Variants in ASTN2 observed in about 807,000 individuals in gnomAD.
ASTN2 encodes the protein astrotactin 2.
A neutral mutation model predicts 139.8 loss-of-function variants in ASTN2; 54 were observed. That is an observed-to-expected ratio of 0.39 (90% CI 0.31 to 0.48). The LOEUF is 0.48. Ranked by LOEUF, ASTN2 falls within the 20% of genes least tolerant of loss-of-function variation. The pLI, the probability that ASTN2 is intolerant of heterozygous loss-of-function variation, is 0.95. For synonymous variants in ASTN2, 756 were observed against 719.5 expected, an observed-to-expected ratio of 1.05 and a Z score of -0.81; for missense variants, 1,565 against 1,725.1, an observed-to-expected ratio of 0.91 and a Z score of 1.64.
chr9:117,028,567 C>A (rs544350502), intron 6 of ASTN2, among the ~76,000 whole-genome samples: 79 of 152,008 alleles, frequency 5.2e-4, no homozygotes, highest in Non-Finnish European at 8.8e-4. Flanking sequence ...GGGGAAGCTG[C>A]GGAGGGGCCA....
chr9:117,045,979 T>TAC lies in ASTN2; in HGVS notation c.1277-6015_1277-6014insGT, dbSNP rs1564399779. ...TTGTATGTATGTATGTATGTATGTATGTACGTACGTACGTATGTATGTATG... is the reference window on the plus strand; with the variant it reads ...TTGTATGTATGTATGTATGTATGTATACGTACGTACGTACGTATGTATGTATG... On this transcript the variant is annotated intron_variant, in intron 5 of 22. Transcript: ENST00000313400. 1.3e-3 allele frequency among the ~76,000 whole-genome samples: 168 copies of TAC among 124,588 alleles called. 1 individual carries two copies. Among genetic ancestry groups the TAC allele is most frequent in the Middle Eastern group, 4.5e-3 (1 of 220 alleles). The allele number at this position is 124,588 out of a possible 152,430, so 81.7% of individuals were successfully genotyped here.
At chr9:117,153,216 C>T (rs1047785503) in intron 3 of ASTN2, among the ~76,000 whole-genome samples, 9 of 151,864 alleles carry the variant, frequency 5.9e-5, no homozygotes, top group Non-Finnish European at 1.2e-4. Flanking sequence ...GAAGGCTTGT[C>T]GCAGCTAGTG....
intron 19 of ASTN2, chr9:116,611,689 C>G (rs376102461): frequency 1.2e-4 from 18 of 152,080 alleles, no homozygotes; most frequent in African/African-American, 4.1e-4. Context: ...CACAAGCTGC[C>G]AAAGATCACT....
chr9:116,615,800 A>G (rs897552333), intron 19 of ASTN2, among the ~76,000 whole-genome samples: 8 of 152,026 alleles, frequency 5.3e-5, no homozygotes, highest in Non-Finnish European at 1.2e-4. Flanking sequence ...GGTACAGCAC[A>G]CCAACATGGC....
In ASTN2 at chr9:116,884,803, G is replaced by GCCCTCC. The variant is rs1554756734; in HGVS notation, c.1890-21071_1890-21070insGGAGGG. 4.9e-4 allele frequency among the ~76,000 whole-genome samples: 34 copies of GCCCTCC among 69,628 alleles called. 3 individuals carry two copies. Among genetic ancestry groups the GCCCTCC allele is most frequent in the East Asian group, 3.2e-3 (7 of 2,176 alleles). 45.7% of individuals were successfully genotyped at this position (69,628 alleles called of 152,430 possible). A position where few individuals can be genotyped will look rare whatever the true frequency, so the allele number is the denominator to read the frequency against. On this transcript the variant is annotated intron_variant, in intron 10 of 22. Coordinates refer to ENST00000313400, the MANE Select transcript of ASTN2 (RefSeq NM_001365068.1). ...TGTGCATGTCAATCTCCAAATATCC[G>GCCCTCC]CCCCCCCCCCACCCACTTTTTTTTT...
chr9:116,562,509 G>A (rs916129248), intron 19 of ASTN2, among the ~76,000 whole-genome samples: 2 of 151,858 alleles, frequency 1.3e-5, no homozygotes, highest in Middle Eastern at 6.8e-3. Flanking sequence ...GGCCTAGGCG[G>A]GCGGATCACC....
chr9:117,383,050 G>T (rs1301782331), intron 1 of ASTN2, among the ~76,000 whole-genome samples: 2 of 152,128 alleles, frequency 1.3e-5, no homozygotes, highest in African/African-American at 2.4e-5. Flanking sequence ...TAGAGTAAAA[G>T]CAACCGCAGA....
intron 16 of ASTN2, among the ~76,000 whole-genome samples, chr9:116,666,201 T>C (rs1029215915): frequency 6.6e-6 from 1 of 152,210 alleles, no homozygotes. Flanking sequence ...AAACCTAATG[T>C]GACTACAAGT....
At chr9:117,062,713 T>A (rs547621027) in intron 5 of ASTN2, among the ~76,000 whole-genome samples, 1 of 152,204 alleles carries the variant, frequency 6.6e-6, no homozygotes, top group Non-Finnish European at 1.5e-5. Context: ...TACACACTCA[T>A]GTATGTGTGC....
intron 4 of ASTN2, among the ~76,000 whole-genome samples, chr9:117,135,476 G>A (rs117991517): frequency 7.2e-5 from 11 of 152,250 alleles, no homozygotes; most frequent in African/African-American, 2.2e-4. Context: ...CTATTTACCC[G>A]TCTCCATCCA....
At chr9:117,394,501 G>A (rs1239022723) in intron 1 of ASTN2, among the ~76,000 whole-genome samples, 1 of 152,238 alleles carries the variant, frequency 6.6e-6, no homozygotes, top group South Asian at 2.1e-4. Context: ...GGAGGCCTAA[G>A]AAAGATAAAT....
chr9:116,633,757 T>C (rs1390153365), intron 17 of ASTN2, among the ~76,000 whole-genome samples: 3 of 152,148 alleles, frequency 2.0e-5, no homozygotes, highest in Non-Finnish European at 4.4e-5. Flanking sequence ...GGGGCTTCTA[T>C]GGGACTATGA....
At chr9:116,578,625 T>TCCAAC (rs1564130114) in intron 19 of ASTN2, among the ~76,000 whole-genome samples, 1 of 42,958 alleles carries the variant, frequency 2.3e-5, no homozygotes, top group Admixed American at 3.6e-4. Flanking sequence ...CCAACGTGTG[T>TCCAAC]GTGTGTGTGT....
intron 1 of ASTN2, among the ~76,000 whole-genome samples, chr9:117,308,218 AATCAATCAATC>A (rs2130810368): frequency 1.5e-5 from 1 of 68,882 alleles, no homozygotes; most frequent in Admixed American, 1.7e-4. Context: ...GGGCAAAATC[AATCAATCAATC>A]AATCAATCAA....
intron 3 of ASTN2, among the ~76,000 whole-genome samples, chr9:117,147,818 T>C (rs1011125084): frequency 6.6e-6 from 1 of 152,198 alleles, no homozygotes; most frequent in African/African-American, 2.4e-5. Flanking sequence ...ACTCAGGTTA[T>C]GGTGACTCCA....
At chr9:116,834,248 G>C (rs10123629) in intron 11 of ASTN2, among the ~76,000 whole-genome samples, 27,444 of 152,074 alleles carry the variant, frequency 0.18, 2,771 homozygotes, top group East Asian at 0.46. Flanking sequence ...GTAGGCACTT[G>C]AAAATAATAT....
At chr9:117,029,790 C>T (rs1838195481) in intron 6 of ASTN2, among the ~76,000 whole-genome samples, 1 of 152,018 alleles carries the variant, frequency 6.6e-6, no homozygotes, top group Non-Finnish European at 1.5e-5. Context: ...CTTCTTCTAG[C>T]CAAGGGAGGC....
At chr9:116,759,441 A>G (rs1452661106) in intron 13 of ASTN2, among the ~76,000 whole-genome samples, 1 of 152,188 alleles carries the variant, frequency 6.6e-6, no homozygotes, top group Non-Finnish European at 1.5e-5. Context: ...GTGGTCATAC[A>G]GCTCCTAAGG....
chr9:117,071,865 C>T (rs531500928), intron 5 of ASTN2, among the ~76,000 whole-genome samples: 180 of 151,696 alleles, frequency 1.2e-3, no homozygotes, highest in African/African-American at 4.1e-3. Flanking sequence ...AGCCCTGCTT[C>T]GGCTCGCGCA....
Sources: allele counts gnomAD v4.1 joint callset (sites outside exome capture counted in the v4.1 genomes callset), GRCh38; gene constraint gnomAD v4.1.1; transcripts MANE v1.5; gene names NCBI Gene and HGNC (gene_info 2026-07-23, HGNC 2026-07-21).